LRP6: variants seen among roughly 807,000 people sequenced by gnomAD.
LRP6 encodes LDL receptor related protein 6.
Under a neutral mutation model 184.1 loss-of-function variants are expected in LRP6, and 43 were observed. The ratio of observed to expected loss-of-function variants is 0.23; its 90% confidence interval spans 0.18 to 0.30. LRP6 has a LOEUF of 0.30. Ranked by LOEUF, LRP6 falls within the 10% of genes least tolerant of loss-of-function variation. LRP6 has a pLI of 1.00. For synonymous variants in LRP6, 719 were observed against 684.9 expected (o/e 1.05, Z -0.78); for missense variants, 1,571 against 2,005.3 (o/e 0.78, Z 4.14).
intron 3 of LRP6, among the ~76,000 whole-genome samples, chr12:12,198,430 T>C (rs755978007): frequency 1.1e-4 from 16 of 152,036 alleles, no homozygotes; most frequent in Non-Finnish European, 2.2e-4. Flanking sequence ...ATTTAAAGGT[T>C]TTTTGGTTTA....
intron 7 of LRP6, among the ~76,000 whole-genome samples, chr12:12,166,020 C>A (rs913015094): frequency 2.6e-5 from 4 of 152,134 alleles, no homozygotes; most frequent in Admixed American, 2.0e-4. Flanking sequence ...TCACCATGCA[C>A]TATTCAGTGT....
chr12:12,181,644 A>G (rs1387452516), intron 5 of LRP6, among the ~76,000 whole-genome samples: 1 of 152,178 alleles, frequency 6.6e-6, no homozygotes, highest in Non-Finnish European at 1.5e-5. Flanking sequence ...TTAATGGCTA[A>G]CTCTCCAAAT....
intron 17 of LRP6, 64 bp downstream of exon 17, chr12:12,135,111 C>A: frequency 3.1e-6 from 5 of 1,610,414 alleles, no homozygotes; most frequent in Non-Finnish European, 4.2e-6. Flanking sequence ...TCATAGAAGT[C>A]TAGGCTTAAG....
chr12:12,184,471 GA>G (rs140830090), intron 4 of LRP6, among the ~76,000 whole-genome samples: 6,261 of 152,154 alleles, frequency 0.041, 178 homozygotes, highest in Middle Eastern at 0.16. Flanking sequence ...AGTCAAATGG[GA>G]AAAAAACCGC....
intron 15 of LRP6, chr12:12,139,117 T>C (rs1481631563): frequency 9.4e-6 from 7 of 740,940 alleles, no homozygotes; most frequent in Non-Finnish European, 1.1e-5. Context: ...CCCTGCTTTA[T>C]TCAGTTTCTC....
At chr12:12,168,339 T>C (rs1862943956) in intron 7 of LRP6, among the ~76,000 whole-genome samples, 1 of 152,182 alleles carries the variant, frequency 6.6e-6, no homozygotes, top group Non-Finnish European at 1.5e-5. Context: ...TTGAAATTCA[T>C]CTTGAAGAAT....
At chr12:12,228,160 C>T (rs12372237) in intron 2 of LRP6, among the ~76,000 whole-genome samples, 22,748 of 152,114 alleles carry the variant, frequency 0.15, 1,903 homozygotes, top group Non-Finnish European at 0.19. Context: ...CACCTGAGGT[C>T]GGGAGCTCAG....
chr12:12,169,474 C>T (rs369914166), intron 7 of LRP6, among the ~76,000 whole-genome samples: 6 of 152,074 alleles, frequency 3.9e-5, no homozygotes, highest in African/African-American at 1.4e-4. Flanking sequence ...GTTAATACTG[C>T]TCTAGATACA....
At chr12:12,260,096 A>G (rs1310463894) in intron 1 of LRP6, among the ~76,000 whole-genome samples, 1 of 152,174 alleles carries the variant, frequency 6.6e-6, no homozygotes, top group Non-Finnish European at 1.5e-5. Flanking sequence ...AAATAAATTT[A>G]GGCCAGGCGC....
At chr12:12,191,537 C>T (rs1317534936) in intron 3 of LRP6, among the ~76,000 whole-genome samples, 1 of 151,968 alleles carries the variant, frequency 6.6e-6, no homozygotes, top group Non-Finnish European at 1.5e-5. Flanking sequence ...CATCAAATCC[C>T]ATTAATAAGT....
intron 3 of LRP6, among the ~76,000 whole-genome samples, chr12:12,199,132 A>G (rs3782528): frequency 6.8e-6 from 1 of 147,936 alleles, no homozygotes; most frequent in Non-Finnish European, 1.5e-5. Context: ...AGCACCATTT[A>G]AAAAAAAAAA....
At chr12:12,221,188 T>C (rs980313171) in intron 2 of LRP6, among the ~76,000 whole-genome samples, 1 of 152,168 alleles carries the variant, frequency 6.6e-6, no homozygotes, top group African/African-American at 2.4e-5. Context: ...CAAACTGATA[T>C]AAAAGGAACA....
At chr12:12,253,248 A>C (rs1190022181) in intron 1 of LRP6, among the ~76,000 whole-genome samples, 1 of 152,220 alleles carries the variant, frequency 6.6e-6, no homozygotes, top group Non-Finnish European at 1.5e-5. Flanking sequence ...TGGGCAACAC[A>C]GCGAGACTCT....
chr12:12,187,567 G>C, intron 3 of LRP6: 1 of 198,946 alleles, frequency 5.0e-6, no homozygotes, highest in Non-Finnish European at 1.0e-5. Context: ...ATCAGCAATA[G>C]GTTTTTTCCT....
intron 1 of LRP6, among the ~76,000 whole-genome samples, chr12:12,255,999 C>A (rs1865454550): frequency 6.6e-6 from 1 of 152,020 alleles, no homozygotes; most frequent in South Asian, 2.1e-4. Flanking sequence ...ACAAGAAGGC[C>A]CAGGTAAAAT....
chr12:12,134,814 C>T (rs749250339), intron 17 of LRP6, among the ~76,000 whole-genome samples: 14 of 151,994 alleles, frequency 9.2e-5, no homozygotes, highest in Non-Finnish European at 1.8e-4. Context: ...GTAATATATA[C>T]GCAGTGAAAT....
At chr12:12,210,254 G>T (rs141526069) in intron 2 of LRP6, among the ~76,000 whole-genome samples, 21 of 152,298 alleles carry the variant, frequency 1.4e-4, no homozygotes, top group African/African-American at 5.1e-4. Context: ...TTGAGGACTG[G>T]ATCAATATGA....
At chr12:12,222,211 T>G (rs558206413) in intron 2 of LRP6, among the ~76,000 whole-genome samples, 3 of 152,330 alleles carry the variant, frequency 2.0e-5, no homozygotes, top group Non-Finnish European at 4.4e-5. Context: ...ATTTCCACTA[T>G]AACCTTTCAA....
chr12:12,165,405 T>C (rs1862854100), intron 7 of LRP6, 110 bp from the exon 8 acceptor site: 2 of 787,362 alleles, frequency 2.5e-6, no homozygotes, highest in East Asian at 5.0e-5. Flanking sequence ...CATCTTGGTA[T>C]TCCTATTACA....
Sources: allele counts gnomAD v4.1 joint callset (sites outside exome capture counted in the v4.1 genomes callset), GRCh38; gene constraint gnomAD v4.1.1; transcripts MANE v1.5; gene names NCBI Gene and HGNC (gene_info 2026-07-23, HGNC 2026-07-21).